The following MAP2K4 variants were observed in gnomAD, a reference collection of about 807,000 sequenced individuals.
The protein encoded by MAP2K4 is mitogen-activated protein kinase kinase 4.
A neutral mutation model predicts 48.5 loss-of-function variants in MAP2K4; 4 were observed. That is an observed-to-expected ratio of 0.08 (90% CI 0.04 to 0.19). The LOEUF (loss-of-function observed/expected upper bound fraction) is 0.19, where lower values mean the gene tolerates loss of function less well. MAP2K4 is among the 10% of genes least tolerant of loss of function. The probability of loss-of-function intolerance (pLI) is 1.00; values close to 1 mark genes in which losing one functional copy is unlikely to be tolerated. For missense variants in MAP2K4, 258 were observed against 493.3 expected (o/e 0.52, Z 4.52); for synonymous variants, 166 against 173.1 (o/e 0.96, Z 0.32).
At chr17:12,080,241 T>C (rs1971146497) in intron 2 of MAP2K4, among the ~76,000 whole-genome samples, 1 of 152,182 alleles carries the variant, frequency 6.6e-6, no homozygotes, top group Non-Finnish European at 1.5e-5. Context: ...AGAAAAATAA[T>C]GACCAAGCAC....
chr17:12,025,781 T>C (rs1969234487), intron 1 of MAP2K4, among the ~76,000 whole-genome samples: 1 of 152,242 alleles, frequency 6.6e-6, no homozygotes, highest in Admixed American at 6.5e-5. Flanking sequence ...TCAAGAGATT[T>C]AAAATCAATG....
chr17:12,103,039 T>TA lies in MAP2K4; in HGVS notation c.514-4731dup, dbSNP rs555398450. Among the ~76,000 whole-genome samples the TA allele has an allele frequency of 6.7e-3, 845 of 126,402 alleles. 3 individuals are homozygous for TA. The highest frequency in any genetic ancestry group is 0.015 in the Admixed American group (188 of 12,486). 82.9% of individuals were successfully genotyped at this position (126,402 alleles called of 152,430 possible). ...TGATTTTCTTTTCTTTTCTTATCTT[T>TA]AAAAAAAAAAAAAAAAAAAAGTCAG... On this transcript the variant is annotated intron_variant, in intron 4 of 10. Coordinates refer to ENST00000353533, the MANE Select transcript of MAP2K4 (RefSeq NM_003010.4).
chr17:12,097,037 G>A (rs1431480853), intron 4 of MAP2K4, among the ~76,000 whole-genome samples: 2 of 152,060 alleles, frequency 1.3e-5, no homozygotes, highest in Non-Finnish European at 2.9e-5. Context: ...ATACAGTCAT[G>A]TATTCATGTG....
chr17:12,110,996 C>T (rs964325396), intron 6 of MAP2K4, among the ~76,000 whole-genome samples: 3 of 152,110 alleles, frequency 2.0e-5, no homozygotes, highest in Admixed American at 6.5e-5. Context: ...AAAGTAGTAA[C>T]CCTGTGGGAA....
chr17:12,113,142 C>CT, intron 6 of MAP2K4, 91 bp from the exon 7 acceptor site: 1 of 1,214,570 alleles, frequency 8.2e-7, no homozygotes, highest in Non-Finnish European at 1.2e-6. Flanking sequence ...CTTATGTTGT[C>CT]TAAGGTTTTT....
At chr17:12,080,195 T>C (rs941683665) in intron 2 of MAP2K4, among the ~76,000 whole-genome samples, 3 of 152,216 alleles carry the variant, frequency 2.0e-5, no homozygotes, top group African/African-American at 7.2e-5. Flanking sequence ...AAAACCATTC[T>C]ACTAATTGGA....
chr17:12,129,655 A>C (rs1363200833), intron 9 of MAP2K4, among the ~76,000 whole-genome samples: 1 of 152,242 alleles, frequency 6.6e-6, no homozygotes, highest in Non-Finnish European at 1.5e-5. Flanking sequence ...GGAAGCATTT[A>C]CTGAATCAAG....
At chr17:12,073,856 C>T (rs954840189) in intron 2 of MAP2K4, among the ~76,000 whole-genome samples, 4 of 151,476 alleles carry the variant, frequency 2.6e-5, no homozygotes, top group Admixed American at 1.3e-4. Flanking sequence ...CACTGGGAAC[C>T]TCTGCCTCCC....
chr17:12,095,895 T>TGTGTGTGTGTG (rs1971724915), intron 4 of MAP2K4, among the ~76,000 whole-genome samples: 1 of 147,294 alleles, frequency 6.8e-6, no homozygotes, highest in African/African-American at 2.5e-5. Flanking sequence ...ACACGTGTGT[T>TGTGTGTGTGTG]TGTGTGTGTG....
chr17:12,107,600 A>G (rs1972161931), intron 4 of MAP2K4, among the ~76,000 whole-genome samples, 190 bp from the exon 5 acceptor site: 1 of 152,006 alleles, frequency 6.6e-6, no homozygotes, highest in Admixed American at 6.6e-5. Context: ...GGCTTTAACT[A>G]CATTGTTTAT....
intron 1 of MAP2K4, among the ~76,000 whole-genome samples, chr17:12,053,615 G>A (rs1970206031): frequency 6.6e-6 from 1 of 151,430 alleles, no homozygotes; most frequent in Non-Finnish European, 1.5e-5. Context: ...TTGTTTGAAT[G>A]TCCTTCCTCT....
intron 2 of MAP2K4, among the ~76,000 whole-genome samples, chr17:12,062,447 A>G (rs901076107): frequency 6.6e-6 from 1 of 151,952 alleles, no homozygotes; most frequent in Non-Finnish European, 1.5e-5. Flanking sequence ...TGATTCTCCT[A>G]CCTTAGCCTT....
chr17:12,036,311 C>T (rs756027204), intron 1 of MAP2K4, among the ~76,000 whole-genome samples: 1 of 151,878 alleles, frequency 6.6e-6, no homozygotes, highest in Non-Finnish European at 1.5e-5. Flanking sequence ...GAGGTCCTGC[C>T]TTAGAAGGTT....
intron 9 of MAP2K4, among the ~76,000 whole-genome samples, chr17:12,136,033 T>TA (rs1283924934): frequency 2.6e-5 from 4 of 152,206 alleles, no homozygotes; most frequent in African/African-American, 7.2e-5. Context: ...TAAAAATACT[T>TA]AGAGAATTTA....
At position 12,081,285 on chromosome 17, in the gene MAP2K4, A is replaced by G; in HGVS notation, c.219-71A>G. 2.5e-6 allele frequency: 3 copies of G among 1,189,278 alleles called. No homozygotes were observed. The allele number at this position is 1,189,278 out of a possible 1,614,324, so 73.7% of individuals were successfully genotyped here. A position where few individuals can be genotyped will look rare whatever the true frequency, so the allele number is the denominator to read the frequency against. ...TTAGAAAACATTTTTCCCACACATT[A>G]ATCAGTACTAAAAGAAAAAAGTTAA... is the stretch of plus-strand genomic sequence containing the variant. On this transcript the variant is annotated intron_variant, in intron 2 of 10. Transcript: ENST00000353533. The surrounding 1 kb of genome is among the most constrained non-coding windows in gnomAD (Gnocchi z 4.2).
chr17:12,044,163 T>C (rs186436371), intron 1 of MAP2K4, among the ~76,000 whole-genome samples: 1 of 152,336 alleles, frequency 6.6e-6, no homozygotes, highest in African/African-American at 2.4e-5. Flanking sequence ...AGTTATATTT[T>C]TCATTGTACT....
chr17:12,062,386 A>T (rs1970476904), intron 2 of MAP2K4, among the ~76,000 whole-genome samples: 1 of 151,932 alleles, frequency 6.6e-6, no homozygotes, highest in Admixed American at 6.6e-5. Context: ...CCCTGGCTGG[A>T]GTAAATGGTG....
At chr17:12,045,184 AT>A (rs938045094) in intron 1 of MAP2K4, among the ~76,000 whole-genome samples, 60 of 149,552 alleles carry the variant, frequency 4.0e-4, no homozygotes, top group South Asian at 2.1e-3. Flanking sequence ...TGTTGTACAC[AT>A]TTTTTTTTTC....
At chr17:12,059,028 G>A (rs1208588516) in intron 2 of MAP2K4, among the ~76,000 whole-genome samples, 2 of 152,014 alleles carry the variant, frequency 1.3e-5, no homozygotes, top group Non-Finnish European at 2.9e-5. Flanking sequence ...CTTAAAAAAA[G>A]GATTTTTGGG....
Sources: gnomAD v4.1 joint callset for allele counts (sites outside exome capture counted in the v4.1 genomes callset) on GRCh38, gnomAD v4.1.1 for gene constraint, Gnocchi (gnomAD v3.1) non-coding constraint, MANE v1.5 for transcripts, NCBI Gene and HGNC (gene_info 2026-07-23, HGNC 2026-07-21) for gene names.